Variants in KHDRBS2 observed in about 807,000 individuals in gnomAD.
KHDRBS2 encodes the protein KH RNA binding domain containing, signal transduction associated 2.
A neutral mutation model predicts 44.3 loss-of-function variants in KHDRBS2; 26 were observed. The ratio of observed to expected loss-of-function variants is 0.59; its 90% CI spans 0.43 to 0.81. The LOEUF is 0.81. Ranked by LOEUF, KHDRBS2 falls within the 40% of genes least tolerant of loss-of-function variation. The probability of loss-of-function intolerance (pLI) is 0.00; values close to 1 mark genes in which losing one functional copy is unlikely to be tolerated. For missense variants in KHDRBS2, 476 were observed against 433.1 expected (o/e 1.10, Z -0.88); for synonymous variants, 194 against 151.1 (o/e 1.28, Z -2.08).
At chr6:62,212,255 A>G (rs1055865896) in intron 1 of KHDRBS2, among the ~76,000 whole-genome samples, 2 of 152,108 alleles carry the variant, frequency 1.3e-5, no homozygotes, top group African/African-American at 4.8e-5. Context: ...CACAAACTAA[A>G]AAGTGTTCAA....
chr6:61,884,722 C>T (rs1280776830), intron 6 of KHDRBS2, among the ~76,000 whole-genome samples: 2 of 146,700 alleles, frequency 1.4e-5, no homozygotes, highest in African/African-American at 2.6e-5. Flanking sequence ...AAAAGGACCG[C>T]ATTTCCACAA....
the KHDRBS2 span, among the ~76,000 whole-genome samples, chr6:61,651,798 T>C: frequency 6.6e-6 from 1 of 152,136 alleles, no homozygotes; most frequent in African/African-American, 2.4e-5. Flanking sequence ...TAAGTGCATA[T>C]GCTATAAGTA....
intron 3 of KHDRBS2, among the ~76,000 whole-genome samples, chr6:62,009,508 G>A (rs559501083): frequency 3.3e-5 from 5 of 152,298 alleles, no homozygotes; most frequent in African/African-American, 7.2e-5. Context: ...ATGAGGAGCC[G>A]AATGTTAATC....
the KHDRBS2 span, among the ~76,000 whole-genome samples, chr6:61,667,117 C>T: frequency 1.3e-4 from 20 of 148,442 alleles, no homozygotes; most frequent in East Asian, 2.2e-3. Flanking sequence ...CGTCAATTAT[C>T]CAATAGCCGC....
chr6:61,946,930 G>A (rs1014090024), intron 4 of KHDRBS2, among the ~76,000 whole-genome samples: 1 of 152,142 alleles, frequency 6.6e-6, no homozygotes, highest in Non-Finnish European at 1.5e-5. Context: ...AAGATTCAGC[G>A]GTCGTCCTTC....
At chr6:61,596,534 C>T in the KHDRBS2 span, among the ~76,000 whole-genome samples, 1 of 152,162 alleles carries the variant, frequency 6.6e-6, no homozygotes, top group Non-Finnish European at 1.5e-5. Context: ...TTGCCAGCTT[C>T]CAAAGAGTGT....
the KHDRBS2 span, among the ~76,000 whole-genome samples, chr6:61,606,985 G>A: frequency 6.6e-6 from 1 of 151,982 alleles, no homozygotes; most frequent in Non-Finnish European, 1.5e-5. Context: ...ATGCATGGAG[G>A]AAATTAAAAC....
chr6:61,781,636 A>C lies in KHDRBS2; in HGVS notation c.811-48872T>G, dbSNP rs370106413. Among the ~76,000 whole-genome samples the C allele has an allele frequency of 2.0e-5, 3 of 152,164 alleles. No individual in the cohort carries two copies. The East Asian group carries it at 5.8e-4, about 29-fold the overall frequency. ...TACAAATTTATGGGATACACATGCA[A>C]TTTTCTTGAATGCATAGTTTGTGTA... On this transcript the variant is annotated intron_variant, in intron 6 of 8. Transcript: ENST00000281156.
chr6:62,140,761 G>A (rs1054996901), intron 2 of KHDRBS2, among the ~76,000 whole-genome samples: 1 of 152,090 alleles, frequency 6.6e-6, no homozygotes, highest in Non-Finnish European at 1.5e-5. Flanking sequence ...TTAAGTGGCA[G>A]ATCAATGAAA....
At chr6:61,869,964 G>GGTTTTTTTTTTTTTTTTTTTT (rs1798386615) in intron 6 of KHDRBS2, among the ~76,000 whole-genome samples, 2 of 108,980 alleles carry the variant, frequency 1.8e-5, no homozygotes, top group African/African-American at 7.6e-5. Context: ...CTGCAGGAGT[G>GGTTTTTTTTTTTTTTTTTTTT]TTTTTTTTTT....
intron 1 of KHDRBS2, among the ~76,000 whole-genome samples, chr6:62,261,775 A>C (rs1838387249): frequency 6.6e-6 from 1 of 151,808 alleles, no homozygotes; most frequent in Admixed American, 6.6e-5. Flanking sequence ...CACAGTAAAG[A>C]TTAACTATAA....
intron 6 of KHDRBS2, among the ~76,000 whole-genome samples, chr6:61,777,002 A>T (rs1256774227): frequency 6.6e-6 from 1 of 152,132 alleles, no homozygotes; most frequent in Non-Finnish European, 1.5e-5. Context: ...CATGGACGAA[A>T]CTGGAAACCG....
chr6:62,272,476 G>C (rs189620234), intron 1 of KHDRBS2, among the ~76,000 whole-genome samples: 164 of 152,258 alleles, frequency 1.1e-3, no homozygotes, highest in African/African-American at 3.7e-3. Flanking sequence ...TCCTCAGTAA[G>C]AGAAATGCTC....
intron 1 of KHDRBS2, among the ~76,000 whole-genome samples, chr6:62,261,841 T>TA (rs546187496): frequency 4.1e-4 from 63 of 151,928 alleles, no homozygotes; most frequent in Non-Finnish European, 1.2e-4. Flanking sequence ...AATTGTATAA[T>TA]AATTCTGACA....
At chr6:61,795,897 C>G (rs1045104639) in intron 6 of KHDRBS2, among the ~76,000 whole-genome samples, 1 of 151,712 alleles carries the variant, frequency 6.6e-6, no homozygotes, top group African/African-American at 2.4e-5. Flanking sequence ...TTAGGATTCT[C>G]CAAAGTTAGG....
intron 4 of KHDRBS2, among the ~76,000 whole-genome samples, chr6:61,923,727 A>G (rs1289926498): frequency 1.3e-5 from 2 of 152,130 alleles, no homozygotes; most frequent in Non-Finnish European, 2.9e-5. Context: ...TAGCAGTGTG[A>G]AAGACTGAAT....
chr6:61,585,682 C>T, the KHDRBS2 span, among the ~76,000 whole-genome samples: 8 of 151,944 alleles, frequency 5.3e-5, no homozygotes, highest in Non-Finnish European at 8.8e-5. Flanking sequence ...TTATTTTGAA[C>T]GTTTACTGTT....
intron 2 of KHDRBS2, among the ~76,000 whole-genome samples, chr6:62,086,065 T>C (rs1349004924): frequency 6.6e-6 from 1 of 152,146 alleles, no homozygotes; most frequent in Admixed American, 6.6e-5. Flanking sequence ...CCAACGTACA[T>C]CAACAATTCA....
At chr6:61,587,485 T>A in the KHDRBS2 span, among the ~76,000 whole-genome samples, 3 of 152,144 alleles carry the variant, frequency 2.0e-5, no homozygotes, top group African/African-American at 4.8e-5. Flanking sequence ...TATTGCATTT[T>A]ACCCTTATTT....
Sources: gnomAD v4.1 joint callset for allele counts (sites outside exome capture counted in the v4.1 genomes callset) on GRCh38, gnomAD v4.1.1 for gene constraint, MANE v1.5 for transcripts, NCBI Gene and HGNC (gene_info 2026-07-23, HGNC 2026-07-21) for gene names.